The following SAMD13 variants were observed in gnomAD, a reference collection of about 807,000 sequenced individuals.
SAMD13 encodes sterile alpha motif domain-containing protein 13.
A neutral mutation model predicts 12.4 loss-of-function variants in SAMD13; 9 were observed. The ratio of observed to expected loss-of-function variants is 0.72; its 90% confidence interval spans 0.44 to 1.26. The LOEUF is 1.26. SAMD13 is among the 50% of genes most tolerant of loss of function. The pLI, the probability that SAMD13 is intolerant of heterozygous loss-of-function variation, is 0.00. For synonymous variants in SAMD13, 46 were observed against 45.4 expected (o/e 1.01, Z -0.05); for missense variants, 84 against 119.6 (o/e 0.70, Z 1.39).
chr1:84,334,210 T>C (rs1346078929), intron 3 of SAMD13, among the ~76,000 whole-genome samples: 2 of 152,076 alleles, frequency 1.3e-5, no homozygotes, highest in Non-Finnish European at 2.9e-5. Flanking sequence ...GTAGGCTTTT[T>C]ATTCCTGATT....
chr1:84,322,129 A>G lies in SAMD13; in HGVS notation c.54-3508A>G, dbSNP rs1189069989. 3.3e-5 allele frequency among the ~76,000 whole-genome samples: 5 copies of G among 152,218 alleles called. No homozygotes were observed. In the East Asian group the frequency reaches 5.8e-4, roughly 18 times the overall value. On this transcript the variant is annotated intron_variant, in intron 2 of 3. Coordinates refer to ENST00000394834, the MANE Select transcript of SAMD13 (RefSeq NM_001134663.2). ...TCAACAGCACTTTGTTCACCCCTCG[A>G]TTCGAATATTCCTCAGAGCTAGCTG...
At chr1:84,334,171 T>C (rs1432529967) in intron 3 of SAMD13, among the ~76,000 whole-genome samples, 1 of 152,104 alleles carries the variant, frequency 6.6e-6, no homozygotes, top group Non-Finnish European at 1.5e-5. Flanking sequence ...CAGCTGTAAA[T>C]CCATCTGGTC....
intron 3 of SAMD13, among the ~76,000 whole-genome samples, chr1:84,339,897 A>G (rs1456323642): frequency 2.6e-5 from 4 of 152,256 alleles, no homozygotes; most frequent in Non-Finnish European, 5.9e-5. Flanking sequence ...AGGAAAGTTA[A>G]GTGAAGCAAA....
intron 3 of SAMD13, among the ~76,000 whole-genome samples, chr1:84,337,756 A>G (rs1679332397): frequency 6.6e-6 from 1 of 152,206 alleles, no homozygotes; most frequent in South Asian, 2.1e-4. Context: ...TTTCATTTCT[A>G]TCACATTGTC....
intron 3 of SAMD13, among the ~76,000 whole-genome samples, chr1:84,336,370 G>T (rs1679286696): frequency 6.6e-6 from 1 of 152,198 alleles, no homozygotes. Flanking sequence ...AAAAGAAAAG[G>T]TTTAACTGGA....
At chr1:84,309,501 T>G (rs1678661343) in intron 2 of SAMD13, among the ~76,000 whole-genome samples, 1 of 152,112 alleles carries the variant, frequency 6.6e-6, no homozygotes, top group Non-Finnish European at 1.5e-5. Context: ...CCTTCTAAAG[T>G]CTCCCAGCCT....
intron 2 of SAMD13, among the ~76,000 whole-genome samples, chr1:84,319,265 TTA>T (rs1678892646): frequency 6.6e-6 from 1 of 152,110 alleles, no homozygotes; most frequent in African/African-American, 2.4e-5. Flanking sequence ...TAAGAAATGT[TTA>T]TGTTTGTGTT....
chr1:84,325,939 C>G (rs1281400084), intron 3 of SAMD13, among the ~76,000 whole-genome samples, 191 bp downstream of exon 3: 1 of 152,120 alleles, frequency 6.6e-6, no homozygotes, highest in East Asian at 1.9e-4. Flanking sequence ...AAGGGGAAAA[C>G]TCAAAGCCGG....
At chr1:84,300,556 T>C (rs1678434449), upstream of SAMD13, among the ~76,000 whole-genome samples, 1 of 152,236 alleles carries the variant, frequency 6.6e-6, no homozygotes, top group Admixed American at 6.5e-5. Context: ...TTTTCCAGGA[T>C]CTTTCTGGGG....
At chr1:84,346,489 T>C (rs1193353436) in intron 3 of SAMD13, among the ~76,000 whole-genome samples, 1 of 152,204 alleles carries the variant, frequency 6.6e-6, no homozygotes, top group Admixed American at 6.5e-5. Context: ...ATGTGAAATA[T>C]CTTTTTGTTT....
intron 3 of SAMD13, chr1:84,345,246 T>C (rs1252809491): frequency 4.4e-6 from 2 of 455,960 alleles, no homozygotes; most frequent in Non-Finnish European, 8.8e-6. Flanking sequence ...AGAAAAAGAC[T>C]GTTTCATGAG....
chr1:84,298,544 C>A, upstream of SAMD13: 1 of 1,266,020 alleles, frequency 7.9e-7, no homozygotes, highest in Non-Finnish European at 1.0e-6. Context: ...CGGGGCAAAC[C>A]TCCCGGCGCG....
chr1:84,318,314 T>C (rs1678876505), intron 2 of SAMD13, among the ~76,000 whole-genome samples: 2 of 152,086 alleles, frequency 1.3e-5, no homozygotes, highest in African/African-American at 4.8e-5. Context: ...GTGTTTTTGT[T>C]TTTATTTGTC....
chr1:84,314,341 G>A (rs1340123227), intron 2 of SAMD13, among the ~76,000 whole-genome samples: 1 of 152,058 alleles, frequency 6.6e-6, no homozygotes, highest in African/African-American at 2.4e-5. Context: ...GCCTGGTCTG[G>A]CTTCTCATGA....
rs1207139474 is a variant in SAMD13, at chr1:84,303,198, A to G, written c.-32-5A>G. On this transcript the variant is annotated splice_region_variant and splice_polypyrimidine_tract_variant and intron_variant, in intron 1 of 3. Transcript: ENST00000394834. ...AAACACAAGCTTTTCTCCCTTATTG[A>G]TTAGTTGCTGAAGTAAAGGAACCCT... 6.2e-7 allele frequency: 1 copy of G among 1,605,924 alleles called. No homozygotes were observed. The highest frequency in any genetic ancestry group is 8.5e-7 in the Non-Finnish European group (1 of 1,173,092).
At chr1:84,344,068 GT>G (rs953103253) in intron 3 of SAMD13, among the ~76,000 whole-genome samples, 8 of 141,532 alleles carry the variant, frequency 5.7e-5, no homozygotes, top group Admixed American at 1.4e-4. Flanking sequence ...TTTGTTTTTT[GT>G]TTTTTTGGCT....
In SAMD13 at chr1:84,325,733, T is replaced by C. The variant is rs375358708; in HGVS notation, c.150T>C (p.Ser50=). 41 of 1,609,596 alleles carry C rather than the reference T, an allele frequency of 2.5e-5. No homozygotes were observed. In the African/African-American group the frequency reaches 4.8e-4, roughly 19 times the overall value. The change falls in exon 3 of 4, where the codon AGT becomes AGC. Residue 50 remains serine (S), a synonymous_variant. Coordinates refer to ENST00000394834, the MANE Select transcript of SAMD13 (RefSeq NM_001134663.2). The part of the protein sequence containing the change: ...FRTVGFEEQA[S]AFQEQEIDGK... ...CCGTGGGATTTGAGGAGCAAGCTAGTGCTTTTCAGGAACAGGTAACTTGGT... is the reference window on the plus strand; with the variant it reads ...CCGTGGGATTTGAGGAGCAAGCTAGCGCTTTTCAGGAACAGGTAACTTGGT...
intron 2 of SAMD13, among the ~76,000 whole-genome samples, chr1:84,304,814 T>G (rs543114105): frequency 6.6e-6 from 1 of 152,308 alleles, no homozygotes; most frequent in South Asian, 2.1e-4. Context: ...ATAATTAATT[T>G]GGGATTTATC....
At chr1:84,298,593 G>C, upstream of SAMD13, 1 of 1,283,036 alleles carries the variant, frequency 7.8e-7, no homozygotes, top group Non-Finnish European at 9.9e-7. Context: ...GTGCGCCCAG[G>C]GCGTGGGAAG....
Sources: gnomAD v4.1 joint callset for allele counts (sites outside exome capture counted in the v4.1 genomes callset) on GRCh38, gnomAD v4.1.1 for gene constraint, MANE v1.5 for transcripts, NCBI Gene and HGNC (gene_info 2026-07-23, HGNC 2026-07-21) for gene names.